SLC25A37: variants seen among roughly 807,000 people sequenced by gnomAD.
SLC25A37 encodes the protein solute carrier family 25 member 37.
In SLC25A37, 17 loss-of-function variants were observed where a neutral mutation model predicts 31.0. The ratio of observed to expected loss-of-function variants is 0.55; its 90% CI spans 0.38 to 0.82. The LOEUF is 0.82. SLC25A37 is among the 40% of genes least tolerant of loss of function. SLC25A37 has a pLI of 0.00. For synonymous variants in SLC25A37, 222 were observed against 193.0 expected (o/e 1.15, Z -1.24); for missense variants, 404 against 465.8 (o/e 0.87, Z 1.22).
At chr8:23,570,378 C>G (rs1425083015) in intron 3 of SLC25A37, among the ~76,000 whole-genome samples, 1 of 117,282 alleles carries the variant, frequency 8.5e-6, no homozygotes, top group Admixed American at 1.1e-4. Flanking sequence ...GTTTTGGGGA[C>G]AGGAAAGAGG....
At position 23,529,308 on chromosome 8, in the gene SLC25A37, C is replaced by T; in HGVS notation, c.210+96C>T. ...CGCCGGCAGCCTCGGGGCAGCGTCC[C>T]GAAACCGAGCTCTCCCCAGGACCGC... On this transcript the variant is annotated intron_variant, in intron 1 of 3. Transcript: ENST00000519973. The surrounding 1 kb of genome is among the most constrained non-coding windows in gnomAD (Gnocchi z 4.1). The T allele has an allele frequency of 8.0e-7, 1 of 1,245,194 alleles. No individual in the cohort carries two copies. The highest frequency in any genetic ancestry group is 1.1e-6 in the Non-Finnish European group (1 of 915,056). The allele number at this position is 1,245,194 out of a possible 1,614,324, so 77.1% of individuals were successfully genotyped here.
rs141191873 is a variant in SLC25A37 at position 23,535,832 on chromosome 8, C to T, written c.210+6620C>T. 1.3e-4 allele frequency among the ~76,000 whole-genome samples: 20 copies of T among 152,248 alleles called. No individual in the cohort carries two copies. The East Asian group carries it at 3.5e-3, about 27-fold the overall frequency. ...TTCCCCATATAAAATCATCAGATCTCGTGAGACTTATTCACTACCATGAGA... is the reference window on the plus strand; with the variant it reads ...TTCCCCATATAAAATCATCAGATCTTGTGAGACTTATTCACTACCATGAGA... On this transcript the variant is annotated intron_variant, in intron 1 of 3. Coordinates refer to ENST00000519973, the MANE Select transcript of SLC25A37 (RefSeq NM_016612.4).
intron 1 of SLC25A37, among the ~76,000 whole-genome samples, chr8:23,550,855 G>A (rs546461094): frequency 1.6e-3 from 243 of 152,314 alleles, no homozygotes; most frequent in African/African-American, 5.6e-3. Context: ...ACGGGCTGGC[G>A]GGAGCCCAGG....
Position 23,573,663 on chromosome 8 carries a change from AATTTT to A in SLC25A37, c.*1811_*1815del. ...AGATTTTGCCCTAATAGCGATGAAG[AATTTT>A]ATCAGTCAGTGGAGTTCCTTTTTCA... On this transcript the variant is annotated 3_prime_UTR_variant, in exon 4 of 4. Transcript: ENST00000519973. 2.5e-6 allele frequency: 1 copy of A among 395,766 alleles called. No individual in the cohort carries two copies. The highest frequency in any genetic ancestry group is 7.4e-5 in the East Asian group (1 of 13,538). 24.5% of individuals were successfully genotyped at this position (395,766 alleles called of 1,614,324 possible).
At chr8:23,549,718 T>G (rs1386698641) in intron 1 of SLC25A37, among the ~76,000 whole-genome samples, 1 of 140,958 alleles carries the variant, frequency 7.1e-6, no homozygotes, top group African/African-American at 3.1e-5. Flanking sequence ...CACTATCAAG[T>G]TAGAAGCCTT....
At chr8:23,541,290 A>C (rs1484803238) in intron 1 of SLC25A37, among the ~76,000 whole-genome samples, 1 of 152,136 alleles carries the variant, frequency 6.6e-6, no homozygotes, top group African/African-American at 2.4e-5. Flanking sequence ...TTATATCCTT[A>C]CTCTTATTTT....
intron 1 of SLC25A37, among the ~76,000 whole-genome samples, chr8:23,532,807 C>T (rs150286356): frequency 6.8e-4 from 104 of 152,258 alleles, no homozygotes; most frequent in African/African-American, 2.1e-3. Context: ...TCTGACTTCT[C>T]CTCTTCTGAG....
rs4588862 is a variant in SLC25A37 at position 23,559,368 on chromosome 8, C to T, written c.211-6740C>T. ...GTGTGTGTGTGCGTGTGTGTGCGCG[C>T]GCGCGTGTGTGTGTTTATTTTTAAT... On this transcript the variant is annotated intron_variant, in intron 1 of 3. Coordinates refer to ENST00000519973, the MANE Select transcript of SLC25A37 (RefSeq NM_016612.4). 6.3e-3 allele frequency among the ~76,000 whole-genome samples: 785 copies of T among 123,634 alleles called. 9 individuals are homozygous for T. The highest frequency in any genetic ancestry group is 0.02 in the African/African-American group (714 of 35,242). The allele number at this position is 123,634 out of a possible 152,430, so 81.1% of individuals were successfully genotyped here.
intron 1 of SLC25A37, among the ~76,000 whole-genome samples, chr8:23,533,117 G>A (rs2117380541): frequency 6.6e-6 from 1 of 152,286 alleles, no homozygotes; most frequent in East Asian, 1.9e-4. Context: ...AATCAAAAAA[G>A]GGGTATTTGT....
chr8:23,559,784 C>T (rs942335277), intron 1 of SLC25A37, among the ~76,000 whole-genome samples: 12 of 152,190 alleles, frequency 7.9e-5, no homozygotes, highest in South Asian at 6.2e-4. Context: ...TTTCACTTAG[C>T]ATGCTGTTGT....
At chr8:23,532,617 T>G (rs1319962444) in intron 1 of SLC25A37, among the ~76,000 whole-genome samples, 1 of 152,218 alleles carries the variant, frequency 6.6e-6, no homozygotes, top group Non-Finnish European at 1.5e-5. Context: ...GGACTTCCGC[T>G]GACCCTTTCA....
rs543408952 is a variant in SLC25A37 at position 23,554,749 on chromosome 8, T to C, written c.211-11359T>C. On this transcript the variant is annotated intron_variant, in intron 1 of 3. Coordinates refer to ENST00000519973, the MANE Select transcript of SLC25A37 (RefSeq NM_016612.4). Reference sequence around the variant, plus strand: ...TGGGCGGAGAGGGAAATCTAACTGGTATGTGATGTTAGTGGTGGCCTGGCA... The same window carrying C: ...TGGGCGGAGAGGGAAATCTAACTGGCATGTGATGTTAGTGGTGGCCTGGCA... 6.2e-4 allele frequency among the ~76,000 whole-genome samples: 95 copies of C among 152,202 alleles called. No homozygotes were observed. In the South Asian group the frequency reaches 0.02, roughly 32 times the overall value.
chr8:23,529,347 C>CCTGGG lies in SLC25A37; in HGVS notation c.210+135_210+136insCTGGG. ...CCCCAGGACCGCGGCTGGCCGGGGT[C>CCTGGG]GCCCCAGGAGCAGCTGCGCGCAGCC... On this transcript the variant is annotated intron_variant, in intron 1 of 3. Transcript: ENST00000519973. This position sits in a 1 kb window ranked among gnomAD's most constrained non-coding sequence, Gnocchi z 4.1. The CCTGGG allele has an allele frequency of 5.0e-6, 4 of 806,076 alleles. No homozygotes were observed. Among genetic ancestry groups the CCTGGG allele is most frequent in the Non-Finnish European group, 7.1e-6 (4 of 562,972 alleles). 49.9% of individuals were successfully genotyped at this position (806,076 alleles called of 1,614,324 possible).
At chr8:23,537,196 A>AG (rs1801787168) in intron 1 of SLC25A37, among the ~76,000 whole-genome samples, 1 of 12,482 alleles carries the variant, frequency 8.0e-5, no homozygotes, top group Admixed American at 2.4e-3. Context: ...ACCCTGTCTC[A>AG]AAAAAAAAAA....
At chr8:23,555,835 C>G (rs745589127) in intron 1 of SLC25A37, among the ~76,000 whole-genome samples, 66 of 152,228 alleles carry the variant, frequency 4.3e-4, no homozygotes, top group Non-Finnish European at 7.8e-4. Flanking sequence ...ACTTTCTCCC[C>G]CCTCCAACAT....
At chr8:23,541,029 C>A (rs77078723) in intron 1 of SLC25A37, among the ~76,000 whole-genome samples, 2 of 152,206 alleles carry the variant, frequency 1.3e-5, no homozygotes, top group Non-Finnish European at 2.9e-5. Context: ...GCTGCCTGGC[C>A]TTGGGCACTT....
intron 1 of SLC25A37, among the ~76,000 whole-genome samples, chr8:23,542,377 CTTTT>C (rs59713954): frequency 8.5e-6 from 1 of 118,144 alleles, no homozygotes; most frequent in Non-Finnish European, 1.6e-5. Flanking sequence ...TGTACTCCTA[CTTTT>C]TTTTTTTTTT....
At chr8:23,539,182 C>T (rs1801839756) in intron 1 of SLC25A37, among the ~76,000 whole-genome samples, 1 of 152,194 alleles carries the variant, frequency 6.6e-6, no homozygotes. Context: ...GGGAGAAATC[C>T]CAGCAGCAGC....
At chr8:23,570,965 C>G (rs1280418138) in intron 3 of SLC25A37, among the ~76,000 whole-genome samples, 1 of 152,012 alleles carries the variant, frequency 6.6e-6, no homozygotes, top group East Asian at 1.9e-4. Flanking sequence ...CAGGATTCAG[C>G]TTTGTGGTGG....
Sources: allele counts gnomAD v4.1 joint callset (sites outside exome capture counted in the v4.1 genomes callset), GRCh38; gene constraint gnomAD v4.1.1; non-coding constraint Gnocchi (gnomAD v3.1); transcripts MANE v1.5; gene names NCBI Gene and HGNC (gene_info 2026-07-23, HGNC 2026-07-21).